Variants in GRB14 observed in about 807,000 individuals in gnomAD.
GRB14 encodes growth factor receptor bound protein 14.
GRB14 carries 38 observed loss-of-function variants against 69.1 expected under a neutral mutation model. That is an observed-to-expected ratio of 0.55 (90% CI 0.42 to 0.72). The LOEUF (loss-of-function observed/expected upper bound fraction) is 0.72, where lower values mean the gene tolerates loss of function less well. GRB14 is among the 30% of genes least tolerant of loss of function. The probability of loss-of-function intolerance (pLI) is 0.00; values close to 1 mark genes in which losing one functional copy is unlikely to be tolerated. For missense variants in GRB14, 666 were observed against 666.1 expected, an observed-to-expected ratio of 1.00 and a Z score of 0.00; for synonymous variants, 247 against 241.3, an observed-to-expected ratio of 1.02 and a Z score of -0.22.
chr2:164,611,593 A>G (rs1437639618), intron 2 of GRB14, among the ~76,000 whole-genome samples: 1 of 150,724 alleles, frequency 6.6e-6, no homozygotes, highest in Non-Finnish European at 1.5e-5. Context: ...TCAAGTGGTC[A>G]CATCTTATCT....
chr2:164,529,793 T>C (rs1188003804), intron 3 of GRB14, among the ~76,000 whole-genome samples: 1 of 152,196 alleles, frequency 6.6e-6, no homozygotes, highest in Non-Finnish European at 1.5e-5. Context: ...TCCTAAAACA[T>C]GTGTATGAAT....
intron 2 of GRB14, among the ~76,000 whole-genome samples, chr2:164,556,178 A>T (rs1034549677): frequency 1.3e-5 from 2 of 152,130 alleles, no homozygotes; most frequent in African/African-American, 4.8e-5. Context: ...TGTTTTTAAA[A>T]TTTTGCATTT....
chr2:164,498,713 G>C (rs556106144), intron 9 of GRB14, among the ~76,000 whole-genome samples: 95 of 152,212 alleles, frequency 6.2e-4, no homozygotes, highest in African/African-American at 2.3e-3. Context: ...ACCTGGCTTG[G>C]TTGCATAGAC....
At chr2:164,600,395 G>A (rs1261028143) in intron 2 of GRB14, among the ~76,000 whole-genome samples, 1 of 152,156 alleles carries the variant, frequency 6.6e-6, no homozygotes, top group Non-Finnish European at 1.5e-5. Flanking sequence ...CATATATAAA[G>A]CATGTGGATG....
chr2:164,612,210 G>C (rs1690183360), intron 2 of GRB14, among the ~76,000 whole-genome samples: 1 of 152,164 alleles, frequency 6.6e-6, no homozygotes, highest in Admixed American at 6.5e-5. Flanking sequence ...GGATTTTAAG[G>C]CTTTGGCCTG....
intron 2 of GRB14, among the ~76,000 whole-genome samples, chr2:164,572,710 T>C (rs1689151615): frequency 6.6e-6 from 1 of 152,192 alleles, no homozygotes; most frequent in Admixed American, 6.5e-5. Context: ...GCATTCTATA[T>C]TATTTAGAAT....
chr2:164,522,620 G>A (rs934686211), intron 5 of GRB14, among the ~76,000 whole-genome samples: 1 of 152,086 alleles, frequency 6.6e-6, no homozygotes, highest in African/African-American at 2.4e-5. Flanking sequence ...GACTTCAATT[G>A]TGAAGCAGGA....
chr2:164,584,649 A>C (rs1328048724), intron 2 of GRB14, among the ~76,000 whole-genome samples: 1 of 152,130 alleles, frequency 6.6e-6, no homozygotes, highest in Non-Finnish European at 1.5e-5. Flanking sequence ...CATTGCAAAA[A>C]TACAAAGGAA....
rs183800378 is a variant in GRB14 at position 164,539,424 on chromosome 2, A to G, written c.481+8236T>C. Among the ~76,000 whole-genome samples the G allele has an allele frequency of 2.0e-5, 3 of 152,128 alleles. No individual in the cohort carries two copies. In the East Asian group the frequency reaches 5.8e-4, roughly 30 times the overall value. Reference sequence around the variant, plus strand: ...TGGGAGGCGGAGGAGGCAGTGAGCCAGTATCACATACTGTACTCCACCCTG... The same window carrying G: ...TGGGAGGCGGAGGAGGCAGTGAGCCGGTATCACATACTGTACTCCACCCTG... On this transcript the variant is annotated intron_variant, in intron 3 of 13. Transcript: ENST00000263915.
chr2:164,515,894 A>C (rs1687471203), intron 6 of GRB14, among the ~76,000 whole-genome samples: 1 of 151,988 alleles, frequency 6.6e-6, no homozygotes, highest in African/African-American at 2.4e-5. Context: ...AACTTTTAGA[A>C]ATAAAGAACA....
chr2:164,513,615 A>T (rs1428332150), intron 6 of GRB14, among the ~76,000 whole-genome samples: 4 of 152,238 alleles, frequency 2.6e-5, no homozygotes, highest in Admixed American at 6.5e-5. Context: ...TAATGGATGT[A>T]CATTTCTAGT....
At chr2:164,591,707 T>C (rs1198033061) in intron 2 of GRB14, among the ~76,000 whole-genome samples, 3 of 152,152 alleles carry the variant, frequency 2.0e-5, no homozygotes, top group African/African-American at 7.2e-5. Context: ...CCTACTGCCT[T>C]GTCCAAAGCA....
At chr2:164,541,314 A>C (rs1688232340) in intron 3 of GRB14, among the ~76,000 whole-genome samples, 1 of 152,004 alleles carries the variant, frequency 6.6e-6, no homozygotes, top group African/African-American at 2.4e-5. Context: ...AGTTTAAAAA[A>C]TACAAAAATT....
chr2:164,594,516 T>C (rs1370428809), intron 2 of GRB14, among the ~76,000 whole-genome samples: 1 of 152,208 alleles, frequency 6.6e-6, no homozygotes, highest in African/African-American at 2.4e-5. Flanking sequence ...TCCAGGATGC[T>C]TTCCCCTATA....
chr2:164,571,716 A>G lies in GRB14; in HGVS notation c.325-23900T>C, dbSNP rs547497828. Among the ~76,000 whole-genome samples the G allele has an allele frequency of 8.9e-4, 135 of 152,312 alleles. 1 individual carries two copies. Among genetic ancestry groups the G allele is most frequent in the African/African-American group, 3.2e-3 (133 of 41,578 alleles). The stretch of plus-strand genomic sequence containing the variant: ...AGCTATTGAATAGATGAGGAAATTA[A>G]GGCCAGAAGAGCAGGCAGCTAAGAA... On this transcript the variant is annotated intron_variant, in intron 2 of 13. Transcript: ENST00000263915.
chr2:164,561,858 C>G (rs1043729507), intron 2 of GRB14, among the ~76,000 whole-genome samples: 1 of 152,124 alleles, frequency 6.6e-6, no homozygotes, highest in Admixed American at 6.6e-5. Context: ...GGGCAATACT[C>G]TGTGTGAAGG....
chr2:164,574,920 A>G (rs1409014602), intron 2 of GRB14, among the ~76,000 whole-genome samples: 1 of 151,474 alleles, frequency 6.6e-6, no homozygotes, highest in Non-Finnish European at 1.5e-5. Flanking sequence ...ACAGAGGGAG[A>G]CCCTATCTCA....
Position 164,525,477 on chromosome 2 carries a change from T to C in GRB14, c.604-399A>G, listed in dbSNP as rs577428095. Among the ~76,000 whole-genome samples the C allele has an allele frequency of 5.3e-5, 8 of 152,162 alleles. No individual in the cohort carries two copies. In the East Asian group the frequency reaches 1.5e-3, roughly 29 times the overall value. On this transcript the variant is annotated intron_variant, in intron 4 of 13. Transcript: ENST00000263915. ...TACAGAGTTTAGGGTATGCCCAAGG[T>C]CATAGCCCACAGCACAGTGGAGGTC...
chr2:164,594,808 C>A (rs1229484682), intron 2 of GRB14, among the ~76,000 whole-genome samples: 1 of 152,140 alleles, frequency 6.6e-6, no homozygotes, highest in Non-Finnish European at 1.5e-5. Flanking sequence ...ACTTTTATAA[C>A]AAAAGGAAAT....
Sources: gnomAD v4.1 joint callset for allele counts (sites outside exome capture counted in the v4.1 genomes callset) on GRCh38, gnomAD v4.1.1 for gene constraint, MANE v1.5 for transcripts, NCBI Gene and HGNC (gene_info 2026-07-23, HGNC 2026-07-21) for gene names.